PTPRT: variants seen among roughly 807,000 people sequenced by gnomAD.
PTPRT encodes receptor-type tyrosine-protein phosphatase T.
Under a neutral mutation model 176.8 loss-of-function variants are expected in PTPRT, and 56 were observed. That is an observed-to-expected ratio of 0.32 (90% CI 0.26 to 0.40). The LOEUF is 0.40. Ranked by LOEUF, PTPRT falls within the 10% of genes least tolerant of loss-of-function variation. PTPRT has a pLI of 1.00. For synonymous variants in PTPRT, 783 were observed against 739.0 expected (o/e 1.06, Z -0.96); for missense variants, 1,540 against 1,908.2 (o/e 0.81, Z 3.60).
chr20:42,499,671 A>C (rs2071718644), intron 7 of PTPRT, among the ~76,000 whole-genome samples: 1 of 152,160 alleles, frequency 6.6e-6, no homozygotes, highest in Admixed American at 6.5e-5. Flanking sequence ...ATCTTTCATG[A>C]CATACTTAAA....
At chr20:42,138,958 T>G (rs1235434937) in intron 18 of PTPRT, among the ~76,000 whole-genome samples, 2 of 152,208 alleles carry the variant, frequency 1.3e-5, no homozygotes, top group Non-Finnish European at 2.9e-5. Flanking sequence ...TTCCTTAAGA[T>G]GCTAATCACA....
intron 9 of PTPRT, among the ~76,000 whole-genome samples, chr20:42,417,268 C>A (rs1172362592): frequency 6.6e-6 from 1 of 152,140 alleles, no homozygotes; most frequent in South Asian, 2.1e-4. Context: ...GGATAAGATA[C>A]AATGGCAGAC....
intron 11 of PTPRT, among the ~76,000 whole-genome samples, chr20:42,331,585 A>G (rs2145436736): frequency 6.6e-6 from 1 of 152,352 alleles, no homozygotes; most frequent in East Asian, 1.9e-4. Flanking sequence ...GAGAAAAATT[A>G]TAACACCAGT....
intron 7 of PTPRT, among the ~76,000 whole-genome samples, chr20:42,544,293 T>A (rs1464006441): frequency 6.6e-6 from 1 of 152,226 alleles, no homozygotes; most frequent in African/African-American, 2.4e-5. Flanking sequence ...AGCTTCTGCA[T>A]AAGCATTGGC....
intron 11 of PTPRT, among the ~76,000 whole-genome samples, chr20:42,350,232 T>TTG (rs1568799574): frequency 9.6e-5 from 11 of 114,628 alleles, no homozygotes; most frequent in African/African-American, 1.6e-4. Context: ...TTTTTTTTTT[T>TTG]TTTTTTTTTT....
chr20:42,553,150 A>G (rs909531730), intron 7 of PTPRT, among the ~76,000 whole-genome samples: 3 of 152,314 alleles, frequency 2.0e-5, no homozygotes, highest in Admixed American at 6.5e-5. Flanking sequence ...CTGAAATGGT[A>G]TAATAATGGA....
At chr20:42,358,083 C>G (rs1166756251) in intron 9 of PTPRT, among the ~76,000 whole-genome samples, 2 of 140,636 alleles carry the variant, frequency 1.4e-5, no homozygotes, top group East Asian at 6.1e-4. Context: ...CTGGAGAAAT[C>G]TGGAAAAAAA....
chr20:42,190,316 T>C (rs1261142911), intron 16 of PTPRT, among the ~76,000 whole-genome samples: 2 of 152,220 alleles, frequency 1.3e-5, no homozygotes, highest in Non-Finnish European at 2.9e-5. Flanking sequence ...ACTCTTAGAT[T>C]GTTCACTGTT....
intron 6 of PTPRT, among the ~76,000 whole-genome samples, chr20:42,705,923 G>A (rs2076047710): frequency 6.6e-6 from 1 of 152,106 alleles, no homozygotes; most frequent in African/African-American, 2.4e-5. Flanking sequence ...TTATGGACTA[G>A]GATGGTCCTA....
intron 2 of PTPRT, among the ~76,000 whole-genome samples, chr20:42,879,272 C>T (rs923023783): frequency 3.3e-5 from 5 of 152,166 alleles, no homozygotes; most frequent in African/African-American, 4.8e-5. Context: ...GGCAGGGCCA[C>T]GTTGTCTCCA....
At chr20:43,009,648 A>C (rs1985023857) in intron 1 of PTPRT, among the ~76,000 whole-genome samples, 1 of 152,196 alleles carries the variant, frequency 6.6e-6, no homozygotes. Context: ...GTGGAGGGCC[A>C]TCCCGTGACG....
chr20:42,655,551 A>G (rs2075110752), intron 7 of PTPRT, among the ~76,000 whole-genome samples: 1 of 152,226 alleles, frequency 6.6e-6, no homozygotes, highest in South Asian at 2.1e-4. Flanking sequence ...GGTGTAAAAT[A>G]AAACATGAGA....
intron 13 of PTPRT, among the ~76,000 whole-genome samples, chr20:42,260,127 G>C (rs193083196): frequency 5.8e-4 from 88 of 152,354 alleles, no homozygotes; most frequent in African/African-American, 2.0e-3. Flanking sequence ...ACACAGAAGT[G>C]TGCACAGGAA....
At chr20:42,358,527 G>T (rs1314148086) in intron 9 of PTPRT, among the ~76,000 whole-genome samples, 1 of 152,168 alleles carries the variant, frequency 6.6e-6, no homozygotes, top group Non-Finnish European at 1.5e-5. Flanking sequence ...AAAACAGATT[G>T]AGTCTCTGGG....
intron 7 of PTPRT, among the ~76,000 whole-genome samples, chr20:42,643,573 T>C (rs2074815242): frequency 6.6e-6 from 1 of 151,294 alleles, no homozygotes; most frequent in Non-Finnish European, 1.5e-5. Context: ...CAACTTGGCC[T>C]CCTAAAGCAC....
intron 9 of PTPRT, among the ~76,000 whole-genome samples, chr20:42,407,313 G>T (rs1275431080): frequency 1.3e-5 from 2 of 152,136 alleles, no homozygotes; most frequent in African/African-American, 4.8e-5. Context: ...TATCAAGCTG[G>T]TCTCAAGCCA....
chr20:42,821,977 A>G (rs1165639329), intron 2 of PTPRT, among the ~76,000 whole-genome samples: 1 of 152,248 alleles, frequency 6.6e-6, no homozygotes, highest in Non-Finnish European at 1.5e-5. Flanking sequence ...GAAAATGGCC[A>G]TAATGCCCAA....
intron 1 of PTPRT, among the ~76,000 whole-genome samples, chr20:43,017,417 C>A (rs1323646752): frequency 6.6e-6 from 1 of 152,030 alleles, no homozygotes; most frequent in African/African-American, 2.4e-5. Flanking sequence ...CCTCCCTCCT[C>A]CGGCCCACCT....
chr20:42,943,911 T>G (rs111904517), intron 1 of PTPRT, among the ~76,000 whole-genome samples: 1 of 151,880 alleles, frequency 6.6e-6, no homozygotes. Flanking sequence ...CCCAGCTACT[T>G]AGGAGGCTGA....
Sources: allele counts gnomAD v4.1 joint callset (sites outside exome capture counted in the v4.1 genomes callset), GRCh38; gene constraint gnomAD v4.1.1; transcripts MANE v1.5; gene names NCBI Gene and HGNC (gene_info 2026-07-23, HGNC 2026-07-21).